ADARB1: variants seen among roughly 807,000 people sequenced by gnomAD.
ADARB1 encodes adenosine deaminase RNA specific B1.
In ADARB1, 10 loss-of-function variants were observed where a neutral mutation model predicts 52.4. The observed-to-expected ratio is 0.19, with a 90% CI of 0.12 to 0.32. The LOEUF (loss-of-function observed/expected upper bound fraction) is 0.32. ADARB1 is among the 10% of genes least tolerant of loss of function. The pLI, the probability that ADARB1 is intolerant of heterozygous loss-of-function variation, is 1.00. For missense variants in ADARB1, 643 were observed against 922.3 expected (o/e 0.70, Z 3.92); for synonymous variants, 349 against 371.1 (o/e 0.94, Z 0.68).
chr21:45,137,569 T>C (rs2089462730), intron 2 of ADARB1, among the ~76,000 whole-genome samples: 2 of 152,270 alleles, frequency 1.3e-5, no homozygotes, highest in South Asian at 4.1e-4. Flanking sequence ...AATAAAACAT[T>C]TGAAGTCTCT....
At chr21:45,197,669 C>T (rs756107771) in intron 8 of ADARB1, among the ~76,000 whole-genome samples, 2 of 152,034 alleles carry the variant, frequency 1.3e-5, no homozygotes, top group Admixed American at 6.5e-5. Flanking sequence ...AAGCAATCCA[C>T]GCAGCCATCA....
At chr21:45,134,515 G>C (rs550423606) in intron 2 of ADARB1, among the ~76,000 whole-genome samples, 3 of 148,490 alleles carry the variant, frequency 2.0e-5, no homozygotes, top group African/African-American at 7.4e-5. Context: ...TGTGCCTGAC[G>C]TGTGTGTGTG....
rs368956058 is a variant in ADARB1, at chr21:45,183,615, G to T, written c.1396+105G>T. On this transcript the variant is annotated intron_variant, in intron 7 of 10. Coordinates refer to ENST00000348831, the MANE Select transcript of ADARB1 (RefSeq NM_001112.4). ...TTTCCTTTTTTTCTTTTTATTTTTA[G>T]ACTTGGATGTGGATCTGATAAGAGT... 342 of 1,314,474 alleles carry T rather than the reference G, an allele frequency of 2.6e-4. No homozygotes were observed. In the African/African-American group the frequency reaches 4.7e-3, roughly 18 times the overall value. 81.4% of individuals were successfully genotyped at this position (1,314,474 alleles called of 1,614,324 possible).
At chr21:45,107,771 G>T (rs1229671953) in intron 1 of ADARB1, among the ~76,000 whole-genome samples, 1 of 152,206 alleles carries the variant, frequency 6.6e-6, no homozygotes, top group Non-Finnish European at 1.5e-5. Context: ...TATTACCTAT[G>T]TGTTGGGAAA....
rs567026303 is a variant in ADARB1 at position 45,102,037 on chromosome 21, C to T, written c.-219-26365C>T. Among the ~76,000 whole-genome samples, 11 of 152,186 alleles carry T rather than the reference C, an allele frequency of 7.2e-5. No individual in the cohort carries two copies. The East Asian group carries it at 1.4e-3, about 19-fold the overall frequency. ...GTAGCTGGGACTGTGGGGCTACAGG[C>T]GCACTACCACACCCAGCTAACTTTT... On this transcript the variant is annotated intron_variant, in intron 1 of 10. Coordinates refer to ENST00000348831, the MANE Select transcript of ADARB1 (RefSeq NM_001112.4).
chr21:45,204,446 G>A lies in ADARB1; in HGVS notation c.1566-109G>A. 9.4e-7 allele frequency: 1 copy of A among 1,058,790 alleles called. No individual in the cohort carries two copies. The highest frequency in any genetic ancestry group is 1.4e-6 in the Non-Finnish European group (1 of 719,432). 65.6% of individuals were successfully genotyped at this position (1,058,790 alleles called of 1,614,324 possible). On this transcript the variant is annotated intron_variant, in intron 8 of 10. Transcript: ENST00000348831. The surrounding 1 kb of genome is among the most constrained non-coding windows in gnomAD (Gnocchi z 4.4). ...TGTTGCACTCCTTCGTCAGTTGGTTGGGATCCTGCGGAATTGCCAGTGCAT... is the reference window on the plus strand; with the variant it reads ...TGTTGCACTCCTTCGTCAGTTGGTTAGGATCCTGCGGAATTGCCAGTGCAT...
chr21:45,199,542 T>C (rs1245787086), intron 8 of ADARB1, among the ~76,000 whole-genome samples: 2 of 152,204 alleles, frequency 1.3e-5, no homozygotes, highest in Non-Finnish European at 2.9e-5. Flanking sequence ...ACAGGCTGTC[T>C]GTGCAGAGAA....
chr21:45,093,099 C>T (rs2086623179), intron 1 of ADARB1, among the ~76,000 whole-genome samples: 1 of 152,038 alleles, frequency 6.6e-6, no homozygotes. Flanking sequence ...ACAGTGAAAA[C>T]CAGGAAATTA....
intron 2 of ADARB1, among the ~76,000 whole-genome samples, chr21:45,130,551 C>T (rs1485228397): frequency 6.6e-6 from 1 of 152,140 alleles, no homozygotes; most frequent in African/African-American, 2.4e-5. Flanking sequence ...AACAGTTTGG[C>T]GTGTTATTCT....
At chr21:45,167,502 A>G (rs1261288857) in intron 2 of ADARB1, among the ~76,000 whole-genome samples, 1 of 152,194 alleles carries the variant, frequency 6.6e-6, no homozygotes, top group East Asian at 1.9e-4. Context: ...CTGTAATCCC[A>G]GCACTTTGGA....
rs113238982 is a variant in ADARB1 at position 45,224,891 on chromosome 21, C to T, written c.*2694C>T. 1,931 of 985,756 alleles carry T rather than the reference C, an allele frequency of 2.0e-3. 35 individuals carry two copies. The African/African-American group carries it at 0.032, about 16-fold the overall frequency. 61.1% of individuals were successfully genotyped at this position (985,756 alleles called of 1,614,324 possible). On this transcript the variant is annotated 3_prime_UTR_variant, in exon 11 of 11. Coordinates refer to ENST00000348831, the MANE Select transcript of ADARB1 (RefSeq NM_001112.4). ...AGCACTTTAATCCCTCCCTTCTGAG[C>T]GCTCGGTGTGCACTTTTAGACTATA...
intron 1 of ADARB1, among the ~76,000 whole-genome samples, chr21:45,095,261 GC>G (rs2123702276): frequency 6.6e-6 from 1 of 152,328 alleles, no homozygotes; most frequent in Non-Finnish European, 1.5e-5. Context: ...CCCAGCCCAG[GC>G]TGCGCTCCCT....
At chr21:45,205,778 A>T (rs1325112325) in intron 9 of ADARB1, among the ~76,000 whole-genome samples, 1 of 152,168 alleles carries the variant, frequency 6.6e-6, no homozygotes, top group East Asian at 1.9e-4. Context: ...TAAACATATA[A>T]TTTCACTACT....
chr21:45,223,490 TGCCTCC>T lies in ADARB1; in HGVS notation c.*1296_*1301del. The T allele has an allele frequency of 1.0e-6, 1 of 985,668 alleles. No homozygotes were observed. The allele number at this position is 985,668 out of a possible 1,614,324, so 61.1% of individuals were successfully genotyped here. On this transcript the variant is annotated 3_prime_UTR_variant, in exon 11 of 11. Coordinates refer to ENST00000348831, the MANE Select transcript of ADARB1 (RefSeq NM_001112.4). ...CAGAGATTTGCACCAGGTGCCTTGT[TGCCTCC>T]GCTCAGGATGAAAGAGGAGCTGAGA...
chr21:45,121,375 G>A (rs2088174622), intron 1 of ADARB1, among the ~76,000 whole-genome samples: 1 of 152,176 alleles, frequency 6.6e-6, no homozygotes, highest in Non-Finnish European at 1.5e-5. Flanking sequence ...GTTAGGTGGG[G>A]AGTTTACTTT....
At chr21:45,139,168 A>G (rs1303203665) in intron 2 of ADARB1, among the ~76,000 whole-genome samples, 1 of 152,056 alleles carries the variant, frequency 6.6e-6, no homozygotes, top group Non-Finnish European at 1.5e-5. Flanking sequence ...TGATCCACCC[A>G]TCTCAGCCTC....
intron 1 of ADARB1, among the ~76,000 whole-genome samples, chr21:45,112,807 C>T (rs143045416): frequency 2.6e-3 from 399 of 152,116 alleles, no homozygotes; most frequent in Non-Finnish European, 4.8e-3. Context: ...CATGTGATAA[C>T]GAGGAAGTTC....
chr21:45,174,773 T>G (rs1429480792), intron 3 of ADARB1, among the ~76,000 whole-genome samples: 1 of 152,218 alleles, frequency 6.6e-6, no homozygotes, highest in Non-Finnish European at 1.5e-5. Flanking sequence ...ATGTTTATTT[T>G]GCCATGTAAT....
chr21:45,149,803 C>T (rs752026654), intron 2 of ADARB1, among the ~76,000 whole-genome samples: 10 of 152,334 alleles, frequency 6.6e-5, no homozygotes, highest in Middle Eastern at 3.4e-3. Flanking sequence ...TTGGTGCTCA[C>T]GGCCTAATGC....
Sources: allele counts gnomAD v4.1 joint callset (sites outside exome capture counted in the v4.1 genomes callset), GRCh38; gene constraint gnomAD v4.1.1; non-coding constraint Gnocchi (gnomAD v3.1); transcripts MANE v1.5; gene names NCBI Gene and HGNC (gene_info 2026-07-23, HGNC 2026-07-21).